TMEM255B: variants seen among roughly 807,000 people sequenced by gnomAD.
TMEM255B encodes transmembrane protein 255B, also known as family with sequence similarity 70, member B.
In TMEM255B, 35 loss-of-function variants were observed where a neutral mutation model predicts 34.5. That is an observed-to-expected ratio of 1.01 (90% CI 0.77 to 1.34). The LOEUF (loss-of-function observed/expected upper bound fraction) is 1.34, where lower values mean the gene tolerates loss of function less well. Among genes scored for constraint, TMEM255B ranks in the 40% most tolerant of loss-of-function variants. The pLI is 0.00. For synonymous variants in TMEM255B, 206 were observed against 201.2 expected (o/e 1.02, Z -0.20); for missense variants, 432 against 433.2 (o/e 1.00, Z 0.02).
intron 1 of TMEM255B, chr13:113,761,371 C>T (rs982139001): frequency 3.0e-6 from 3 of 985,166 alleles, no homozygotes; most frequent in South Asian, 4.7e-5. Context: ...TGGGCACAGG[C>T]TCATGTGGTT....
intron 3 of TMEM255B, among the ~76,000 whole-genome samples, chr13:113,785,035 G>A (rs569966492): frequency 2.2e-4 from 33 of 152,272 alleles, no homozygotes; most frequent in African/African-American, 6.5e-4. Flanking sequence ...TTTATGAAGC[G>A]GGGAGCTTAT....
chr13:113,780,356 A>G (rs923403447), intron 3 of TMEM255B, among the ~76,000 whole-genome samples: 5 of 152,260 alleles, frequency 3.3e-5, no homozygotes, highest in Admixed American at 3.3e-4. Context: ...TATTGCACTT[A>G]TGCAAATCAC....
rs1013539503 is a variant in TMEM255B, at chr13:113,770,587, A to G, written c.252+1427A>G. 1.3e-5 allele frequency among the ~76,000 whole-genome samples: 2 copies of G among 152,316 alleles called. No homozygotes were observed. Among genetic ancestry groups the G allele is most frequent in the African/African-American group, 4.8e-5 (2 of 41,582 alleles). Reference sequence around the variant, plus strand: ...GTTCTGCATAGTAGAGACAGTGTGCACTGCAGGGTGAGCTGCCGTTCTTGG... The same window carrying G: ...GTTCTGCATAGTAGAGACAGTGTGCGCTGCAGGGTGAGCTGCCGTTCTTGG... On this transcript the variant is annotated intron_variant, in intron 3 of 8. Coordinates refer to ENST00000375353, the MANE Select transcript of TMEM255B (RefSeq NM_182614.4). This position sits in a 1 kb window ranked among gnomAD's most constrained non-coding sequence, Gnocchi z 4.6.
chr13:113,804,320 T>C (rs1327347109), intron 7 of TMEM255B, among the ~76,000 whole-genome samples: 2 of 152,136 alleles, frequency 1.3e-5, no homozygotes, highest in Non-Finnish European at 2.9e-5. Context: ...CCCACGCTGG[T>C]TGGGGCACAG....
intron 8 of TMEM255B, among the ~76,000 whole-genome samples, chr13:113,807,849 C>T (rs1211347761): frequency 1.4e-5 from 2 of 147,192 alleles, no homozygotes; most frequent in East Asian, 2.1e-4. Context: ...CCCCGTCACA[C>T]GCGGGCTTAC....
intron 3 of TMEM255B, among the ~76,000 whole-genome samples, chr13:113,777,583 C>G (rs969385311): frequency 6.6e-6 from 1 of 152,340 alleles, no homozygotes. Context: ...AAGGCAGGGA[C>G]TGCGGTGTGT....
At chr13:113,804,798 G>C in intron 7 of TMEM255B, 87 bp from the exon 8 acceptor site, 1 of 1,262,298 alleles carries the variant, frequency 7.9e-7, no homozygotes, top group African/African-American at 1.5e-5. Flanking sequence ...GTCGGGGGTC[G>C]AGGGTGCTGG....
chr13:113,810,629 C>T (rs2051280364), intron 8 of TMEM255B, among the ~76,000 whole-genome samples: 2 of 152,296 alleles, frequency 1.3e-5, no homozygotes, highest in East Asian at 1.9e-4. Context: ...GGGAGGGTGA[C>T]GCTGCCCCGG....
rs1366199774 is a variant in TMEM255B, at chr13:113,766,134, G to T, written c.66G>T (p.Lys22Asn). ...LDPAEGLSRR[K>N]KTSLWFVGSL... ...CCACAGAAGGGCTTTCGAGGAGGAA[G>T]AAGACGTCGCTCTGGTTTGTGGGGT... The change falls in exon 2 of 9, where the codon AAG (lysine) becomes AAT (asparagine). Residue 22 changes from lysine to asparagine, a missense_variant. By Grantham distance (94) the Lys-to-Asn change is moderately conservative (BLOSUM62 0). Transcript: ENST00000375353. 1 of 1,614,120 alleles carries T rather than the reference G, an allele frequency of 6.2e-7. No homozygotes were observed. Among genetic ancestry groups the T allele is most frequent in the African/African-American group, 1.3e-5 (1 of 74,946 alleles).
Position 113,769,118 on chromosome 13 carries a change from A to T in TMEM255B, c.210A>T (p.Leu70Phe). The T allele has an allele frequency of 6.2e-7, 1 of 1,614,150 alleles. No individual in the cohort carries two copies. Residue 70 changes from leucine to phenylalanine, a missense_variant, in exon 3 of 9, where the codon TTA (leucine) becomes TTT (phenylalanine). Physicochemically the swap from Leu to Phe is conservative, Grantham distance 22. Coordinates refer to ENST00000375353, the MANE Select transcript of TMEM255B (RefSeq NM_182614.4). This position sits in a 1 kb window ranked among gnomAD's most constrained non-coding sequence, Gnocchi z 4.2. ...TTTAGCTCGGCTTTGGATCTTTCTT[A>T]GGAATTATTGGCATCAACTTGGTGG... is the stretch of plus-strand genomic sequence containing the variant. ...PGIILGFGSF[L>F]GIIGINLVEN...
Position 113,768,197 on chromosome 13 carries a change from C to G in TMEM255B, c.190-901C>G, listed in dbSNP as rs1204354167. 3 of 470,680 alleles carry G rather than the reference C, an allele frequency of 6.4e-6. No individual in the cohort carries two copies. In the East Asian group the frequency reaches 2.1e-4, roughly 33 times the overall value. The allele number at this position is 470,680 out of a possible 1,614,324, so 29.2% of individuals were successfully genotyped here. ...CCGGCCCGGCGCACCTGCGTGGGAG[C>G]AAGAGCCGTCTTAGGCCTCGGCACG... On this transcript the variant is annotated intron_variant, in intron 2 of 8. Coordinates refer to ENST00000375353, the MANE Select transcript of TMEM255B (RefSeq NM_182614.4).
chr13:113,766,779 G>A (rs556242956), intron 2 of TMEM255B, among the ~76,000 whole-genome samples: 13 of 152,328 alleles, frequency 8.5e-5, no homozygotes, highest in South Asian at 6.2e-4. Context: ...TGACGTGATC[G>A]CGTGGGAACG....
Position 113,814,844 on chromosome 13 carries a change from A to G in TMEM255B, c.*2941A>G, listed in dbSNP as rs1594181171. The G allele has an allele frequency of 1.2e-4, 1 of 8,186 alleles. No homozygotes were observed. The allele number at this position is 8,186 out of a possible 1,614,324, so 0.5% of individuals were successfully genotyped here. On this transcript the variant is annotated 3_prime_UTR_variant, in exon 9 of 9. Transcript: ENST00000375353. ...CTGGAGGCCGCGGGAGATGGGGTGG[A>G]GGGGATGGTGGGGCAGGGGGTGCTG...
At chr13:113,797,439 T>A (rs2050962881) in intron 4 of TMEM255B, among the ~76,000 whole-genome samples, 1 of 152,192 alleles carries the variant, frequency 6.6e-6, no homozygotes, top group Non-Finnish European at 1.5e-5. Flanking sequence ...TAGGCCTCTG[T>A]CCCCATGGGG....
At chr13:113,811,276 G>A (rs1253444428) in intron 8 of TMEM255B, among the ~76,000 whole-genome samples, 1 of 136,558 alleles carries the variant, frequency 7.3e-6, no homozygotes, top group Non-Finnish European at 1.6e-5. Flanking sequence ...AGTGGTCCTG[G>A]GTCTGTGGGG....
intron 8 of TMEM255B, among the ~76,000 whole-genome samples, chr13:113,805,564 C>T (rs2051155559): frequency 6.6e-6 from 1 of 152,230 alleles, no homozygotes; most frequent in Non-Finnish European, 1.5e-5. Flanking sequence ...GGCATGACCG[C>T]CTTCTGTGCC....
chr13:113,801,568 A>G, intron 6 of TMEM255B, 85 bp from the exon 7 acceptor site: 1 of 1,452,338 alleles, frequency 6.9e-7, no homozygotes. Flanking sequence ...CCAGCCCTGC[A>G]GGGCTCAGGT....
At chr13:113,807,877 G>C (rs1037094192) in intron 8 of TMEM255B, among the ~76,000 whole-genome samples, 1 of 151,944 alleles carries the variant, frequency 6.6e-6, no homozygotes, top group African/African-American at 2.4e-5. Flanking sequence ...GGGGGGCACA[G>C]GGGCAGATCC....
At chr13:113,760,812 C>T (rs2050294232) in intron 1 of TMEM255B, among the ~76,000 whole-genome samples, 1 of 107,022 alleles carries the variant, frequency 9.3e-6, no homozygotes, top group Non-Finnish European at 1.8e-5. Flanking sequence ...TATGGTCTTT[C>T]TGCTTTGGGG....
Sources: allele counts gnomAD v4.1 joint callset (sites outside exome capture counted in the v4.1 genomes callset), GRCh38; gene constraint gnomAD v4.1.1; non-coding constraint Gnocchi (gnomAD v3.1); transcripts MANE v1.5; gene names NCBI Gene and HGNC (gene_info 2026-07-23, HGNC 2026-07-21).